KCNH1: variants seen among roughly 807,000 people sequenced by gnomAD.
KCNH1 encodes the protein potassium voltage-gated channel subfamily H member 1.
In KCNH1, 27 loss-of-function variants were observed where a neutral mutation model predicts 69.2. The observed-to-expected ratio is 0.39, with a 90% confidence interval of 0.29 to 0.54. KCNH1 has a LOEUF of 0.54. Ranked by LOEUF, KCNH1 falls within the 20% of genes least tolerant of loss-of-function variation. The probability of loss-of-function intolerance (pLI) is 0.68; values close to 1 mark genes in which losing one functional copy is unlikely to be tolerated. For synonymous variants in KCNH1, 456 were observed against 487.7 expected (o/e 0.93, Z 0.86); for missense variants, 798 against 1,261.6 (o/e 0.63, Z 5.57).
intron 1 of KCNH1, among the ~76,000 whole-genome samples, chr1:211,126,735 GC>G (rs1691784375): frequency 6.7e-6 from 1 of 149,326 alleles, no homozygotes; most frequent in African/African-American, 2.5e-5. Context: ...AACAGCCAGA[GC>G]ATCAGGCAAA....
intron 9 of KCNH1, among the ~76,000 whole-genome samples, chr1:210,783,918 C>G (rs538295547): frequency 6.6e-6 from 1 of 152,288 alleles, no homozygotes; most frequent in South Asian, 2.1e-4. Context: ...TACAAAGGTG[C>G]TTTTTTCACC....
intron 6 of KCNH1, among the ~76,000 whole-genome samples, chr1:210,924,878 A>G (rs1490179888): frequency 1.3e-5 from 2 of 151,866 alleles, no homozygotes; most frequent in Non-Finnish European, 2.9e-5. Flanking sequence ...AGGCACTCAC[A>G]GATACCAATG....
At chr1:210,922,135 A>G (rs1159584175) in intron 6 of KCNH1, among the ~76,000 whole-genome samples, 1 of 151,844 alleles carries the variant, frequency 6.6e-6, no homozygotes, top group Non-Finnish European at 1.5e-5. Flanking sequence ...TAATCCCAGC[A>G]CTTTGGGAGG....
intron 7 of KCNH1, among the ~76,000 whole-genome samples, chr1:210,891,188 C>T (rs1304155734): frequency 1.3e-5 from 2 of 152,202 alleles, no homozygotes; most frequent in African/African-American, 4.8e-5. Context: ...GGCACATATA[C>T]ACCATGGAAT....
At chr1:210,880,808 A>G (rs895944975) in intron 7 of KCNH1, among the ~76,000 whole-genome samples, 18 of 151,264 alleles carry the variant, frequency 1.2e-4, no homozygotes, top group Admixed American at 9.2e-4. Flanking sequence ...AAAATGGGGG[A>G]AAAAATTCCA....
chr1:210,967,760 TC>T (rs2102363423), intron 6 of KCNH1, among the ~76,000 whole-genome samples: 1 of 152,294 alleles, frequency 6.6e-6, no homozygotes, highest in African/African-American at 2.4e-5. Context: ...TCCTTCGCAA[TC>T]CTTACAACTA....
intron 6 of KCNH1, among the ~76,000 whole-genome samples, chr1:210,993,411 T>C (rs1688969333): frequency 6.6e-6 from 1 of 152,140 alleles, no homozygotes; most frequent in African/African-American, 2.4e-5. Context: ...TCAAAAACTT[T>C]CAAAATATTA....
At chr1:211,085,412 G>C (rs1157723892) in intron 4 of KCNH1, among the ~76,000 whole-genome samples, 2 of 151,738 alleles carry the variant, frequency 1.3e-5, no homozygotes, top group Non-Finnish European at 2.9e-5. Flanking sequence ...CTTTAAATTT[G>C]GTGAGGAGGG....
Position 211,133,235 on chromosome 1 carries a change from T to A in KCNH1, c.79+632A>T, listed in dbSNP as rs1691909725. The A allele has an allele frequency of 2.0e-5, 3 of 152,360 alleles. No individual in the cohort carries two copies. The highest frequency in any genetic ancestry group is 7.2e-5 in the African/African-American group (3 of 41,470). 9.4% of individuals were successfully genotyped at this position (152,360 alleles called of 1,614,324 possible). On this transcript the variant is annotated intron_variant, in intron 1 of 10. Transcript: ENST00000271751. This position sits in a 1 kb window ranked among gnomAD's most constrained non-coding sequence, Gnocchi z 5.4. ...GCACCTGTGCCCTCCACTTCCCACC[T>A]GACGCCAGGAAAACCATCTGCCCCT...
chr1:210,942,172 A>G lies in KCNH1; in HGVS notation c.1033-22103T>C, dbSNP rs1574351543. 4.6e-5 allele frequency among the ~76,000 whole-genome samples: 7 copies of G among 152,336 alleles called. No homozygotes were observed. In the South Asian group the frequency reaches 1.5e-3, roughly 32 times the overall value. On this transcript the variant is annotated intron_variant, in intron 6 of 10. Transcript: ENST00000271751. ...CATACTTAATCATTCTGTGTGGATT[A>G]AAATAATCAATAACCAAAACTTTTG...
chr1:210,923,608 C>T (rs1263164211), intron 6 of KCNH1, among the ~76,000 whole-genome samples: 1 of 152,228 alleles, frequency 6.6e-6, no homozygotes. Context: ...GCTCAGCATT[C>T]CTGTTTTGCA....
chr1:210,709,725 A>G (rs1558433378), intron 10 of KCNH1, among the ~76,000 whole-genome samples: 1 of 123,968 alleles, frequency 8.1e-6, no homozygotes, highest in African/African-American at 5.1e-5. Flanking sequence ...AAGAAAGAAG[A>G]GAGAGAGAGA....
At position 210,781,462 on chromosome 1, in the gene KCNH1, G is replaced by GT. The variant is rs1471478831; in HGVS notation, c.1916-5919_1916-5918insA. On this transcript the variant is annotated intron_variant, in intron 9 of 10. Transcript: ENST00000271751. ...AGGGGTTTCTTCATTCACTTCATCA[G>GT]GATGATGAAATGCAGCTGCAGAGTC... 3.3e-5 allele frequency among the ~76,000 whole-genome samples: 5 copies of GT among 152,114 alleles called. No homozygotes were observed. In the East Asian group the frequency reaches 9.6e-4, roughly 29 times the overall value.
At chr1:210,882,930 A>G (rs1267448550) in intron 7 of KCNH1, among the ~76,000 whole-genome samples, 1 of 152,232 alleles carries the variant, frequency 6.6e-6, no homozygotes, top group Non-Finnish European at 1.5e-5. Context: ...AATACATAGT[A>G]AAAACATAAA....
At chr1:210,706,228 G>A (rs974877157) in intron 10 of KCNH1, among the ~76,000 whole-genome samples, 3 of 152,148 alleles carry the variant, frequency 2.0e-5, no homozygotes, top group Non-Finnish European at 4.4e-5. Flanking sequence ...AGGCTTTGCC[G>A]CCATCAGCTC....
At chr1:211,045,035 G>A (rs1690067310) in intron 5 of KCNH1, among the ~76,000 whole-genome samples, 1 of 35,396 alleles carries the variant, frequency 2.8e-5, no homozygotes. Context: ...TGGATAAATT[G>A]TGGGGGATAT....
At chr1:211,020,068 A>G (rs1211919800) in intron 5 of KCNH1, among the ~76,000 whole-genome samples, 1 of 152,114 alleles carries the variant, frequency 6.6e-6, no homozygotes. Context: ...TTTTAAATAA[A>G]CAACCTAACA....
At chr1:211,060,658 G>A (rs540274495) in intron 5 of KCNH1, among the ~76,000 whole-genome samples, 1 of 151,798 alleles carries the variant, frequency 6.6e-6, no homozygotes, top group Non-Finnish European at 1.5e-5. Context: ...AAATAGAAAG[G>A]ATCATTAGAA....
intron 6 of KCNH1, among the ~76,000 whole-genome samples, chr1:210,920,719 T>A (rs557257978): frequency 6.6e-6 from 1 of 152,106 alleles, no homozygotes; most frequent in Admixed American, 6.5e-5. Flanking sequence ...AAAAATAAAT[T>A]AAGAAATAGC....
Sources: gnomAD v4.1 joint callset for allele counts (sites outside exome capture counted in the v4.1 genomes callset) on GRCh38, gnomAD v4.1.1 for gene constraint, Gnocchi (gnomAD v3.1) non-coding constraint, MANE v1.5 for transcripts, NCBI Gene and HGNC (gene_info 2026-07-23, HGNC 2026-07-21) for gene names.